The following ELOVL2 variants were observed in gnomAD, a reference collection of about 807,000 sequenced individuals.
The protein encoded by ELOVL2 is ELOVL fatty acid elongase 2, also known as very long chain fatty acid elongase 2.
A neutral mutation model predicts 37.7 loss-of-function variants in ELOVL2; 38 were observed. The observed-to-expected ratio is 1.01, with a 90% CI of 0.78 to 1.32. The LOEUF is 1.32. Ranked by LOEUF, ELOVL2 falls within the 40% of genes most tolerant of loss-of-function variation. The pLI is 0.00. For missense variants in ELOVL2, 352 were observed against 363.6 expected (o/e 0.97, Z 0.26); for synonymous variants, 115 against 122.3 (o/e 0.94, Z 0.40).
At position 11,035,725 on chromosome 6, in the gene ELOVL2, G is replaced by A. The variant is rs571094564; in HGVS notation, c.3+8503C>T. 5.3e-5 allele frequency among the ~76,000 whole-genome samples: 8 copies of A among 152,314 alleles called. No homozygotes were observed. The South Asian group carries it at 1.0e-3, about 20-fold the overall frequency. ...ATTGGATGGAATGGCACATGGACACGGAGGCACATTTACTGGACTGAGTGG... is the reference window on the plus strand; with the variant it reads ...ATTGGATGGAATGGCACATGGACACAGAGGCACATTTACTGGACTGAGTGG... On this transcript the variant is annotated intron_variant, in intron 1 of 7. Transcript: ENST00000354666.
chr6:11,006,112 T>A (rs1296138677), intron 2 of ELOVL2, among the ~76,000 whole-genome samples: 1 of 152,160 alleles, frequency 6.6e-6, no homozygotes, highest in African/African-American at 2.4e-5. Context: ...GCTCCGAATT[T>A]GCCTAGTATC....
chr6:11,005,277 T>TAACC (rs1324550764), intron 3 of ELOVL2, 95 bp downstream of exon 3: 2 of 1,104,048 alleles, frequency 1.8e-6, no homozygotes, highest in African/African-American at 3.2e-5. Flanking sequence ...GGTCTTAAAG[T>TAACC]AACCTTGCAT....
intron 6 of ELOVL2, 40 bp downstream of exon 6, chr6:10,990,278 T>C: frequency 6.2e-7 from 1 of 1,600,258 alleles, no homozygotes; most frequent in Non-Finnish European, 8.5e-7. Context: ...TCCCCATCCA[T>C]AAGCCACATG....
intron 5 of ELOVL2, among the ~76,000 whole-genome samples, chr6:10,993,970 AG>A: frequency 7.2e-6 from 1 of 139,426 alleles, no homozygotes; most frequent in Non-Finnish European, 1.5e-5. Flanking sequence ...GGCCTCCTAA[AG>A]TGCTAGGATT....
intron 7 of ELOVL2, among the ~76,000 whole-genome samples, chr6:10,986,218 G>A (rs577317852): frequency 1.3e-5 from 2 of 152,340 alleles, no homozygotes; most frequent in Admixed American, 1.3e-4. Context: ...AGACTTTGCT[G>A]AAGTTGCTTA....
intron 5 of ELOVL2, among the ~76,000 whole-genome samples, chr6:10,994,294 C>G (rs1782223523): frequency 2.0e-5 from 3 of 151,952 alleles, no homozygotes; most frequent in Admixed American, 2.0e-4. Flanking sequence ...TAGTGAAACC[C>G]TGTCTCTACT....
At chr6:11,041,904 C>T (rs1018472065) in intron 1 of ELOVL2, among the ~76,000 whole-genome samples, 2 of 152,124 alleles carry the variant, frequency 1.3e-5, no homozygotes, top group Non-Finnish European at 2.9e-5. Flanking sequence ...TCTTACAAGA[C>T]AGTTCATATT....
intron 3 of ELOVL2, among the ~76,000 whole-genome samples, chr6:11,004,082 C>CAA (rs796099767): frequency 4.6e-5 from 6 of 131,810 alleles, no homozygotes; most frequent in African/African-American, 1.6e-4. Flanking sequence ...GACTCTGCCT[C>CAA]AAAAAAAAAA....
chr6:10,989,613 TG>T, intron 7 of ELOVL2, 89 bp downstream of exon 7: 1 of 1,337,326 alleles, frequency 7.5e-7, no homozygotes, highest in Non-Finnish European at 1.0e-6. Context: ...CACTCCAGCC[TG>T]GGCAATAAGA....
Position 11,003,352 on chromosome 6 carries a change from T to C in ELOVL2, c.255+2020A>G, listed in dbSNP as rs576359263. 1.5e-3 allele frequency among the ~76,000 whole-genome samples: 231 copies of C among 152,294 alleles called. 1 individual carries two copies. The highest frequency in any genetic ancestry group is 3.4e-4 in the Non-Finnish European group (23 of 68,032). On this transcript the variant is annotated intron_variant, in intron 3 of 7. Transcript: ENST00000354666. ...CGGGCGTGTGATGTTCCCCTCCCTGTGTCCATGTGTTCTCATTGTTCAACT... is the reference window on the plus strand; with the variant it reads ...CGGGCGTGTGATGTTCCCCTCCCTGCGTCCATGTGTTCTCATTGTTCAACT...
chr6:11,044,163 G>A lies in ELOVL2; in HGVS notation c.3+65C>T. On this transcript the variant is annotated intron_variant, in intron 1 of 7. Coordinates refer to ENST00000354666, the MANE Select transcript of ELOVL2 (RefSeq NM_017770.4). This position sits in a 1 kb window ranked among gnomAD's most constrained non-coding sequence, Gnocchi z 5.6. ...GCGCCCGCTCGGCCCTTTCCCGCCC[G>A]GTGCGTGGGTCCAGGAGAGAAAGAA... 4 of 1,433,608 alleles carry A rather than the reference G, an allele frequency of 2.8e-6. No individual in the cohort carries two copies. The highest frequency in any genetic ancestry group is 2.8e-5 in the Admixed American group (1 of 35,754). 88.8% of individuals were successfully genotyped at this position (1,433,608 alleles called of 1,614,324 possible).
chr6:10,999,810 A>G (rs1782346961), intron 4 of ELOVL2, among the ~76,000 whole-genome samples: 2 of 152,196 alleles, frequency 1.3e-5, no homozygotes, highest in African/African-American at 4.8e-5. Context: ...GCTTTTGTTC[A>G]TGTAACTATA....
intron 1 of ELOVL2, among the ~76,000 whole-genome samples, chr6:11,021,538 AAG>A (rs1265343248): frequency 6.6e-6 from 1 of 151,962 alleles, no homozygotes; most frequent in African/African-American, 2.4e-5. Context: ...GGAGAGTAGG[AAG>A]AGAGAACAGA....
At chr6:10,997,812 G>C (rs1447125938) in intron 4 of ELOVL2, among the ~76,000 whole-genome samples, 2 of 152,182 alleles carry the variant, frequency 1.3e-5, no homozygotes, top group Non-Finnish European at 2.9e-5. Context: ...TGAACAGTGA[G>C]TTCAGGTATT....
intron 3 of ELOVL2, among the ~76,000 whole-genome samples, chr6:11,004,711 T>G (rs1487773990): frequency 1.3e-5 from 2 of 152,216 alleles, no homozygotes; most frequent in Non-Finnish European, 2.9e-5. Context: ...ATTTTTAAAA[T>G]ACTCGGTTAA....
chr6:11,022,294 GA>G (rs2113542572), intron 1 of ELOVL2, among the ~76,000 whole-genome samples: 1 of 152,298 alleles, frequency 6.6e-6, no homozygotes, highest in African/African-American at 2.4e-5. Flanking sequence ...CACCTGGTAT[GA>G]ACGGCAGTGA....
chr6:11,006,475 T>C (rs1261662650), intron 2 of ELOVL2, among the ~76,000 whole-genome samples: 1 of 152,250 alleles, frequency 6.6e-6, no homozygotes, highest in East Asian at 1.9e-4. Context: ...GGCCCAGAAT[T>C]ATAAAAATTG....
chr6:11,015,581 T>A (rs1782670090), intron 1 of ELOVL2: 1 of 152,422 alleles, frequency 6.6e-6, no homozygotes, highest in Non-Finnish European at 1.5e-5. Context: ...TGGCAATAAA[T>A]ACACCACTTG....
At chr6:11,021,326 T>A (rs1168870725) in intron 1 of ELOVL2, among the ~76,000 whole-genome samples, 1 of 152,236 alleles carries the variant, frequency 6.6e-6, no homozygotes, top group Non-Finnish European at 1.5e-5. Flanking sequence ...CTTCTTTACC[T>A]GGCACACATT....
Sources: gnomAD v4.1 joint callset for allele counts (sites outside exome capture counted in the v4.1 genomes callset) on GRCh38, gnomAD v4.1.1 for gene constraint, Gnocchi (gnomAD v3.1) non-coding constraint, MANE v1.5 for transcripts, NCBI Gene and HGNC (gene_info 2026-07-23, HGNC 2026-07-21) for gene names.